ACSL3: variants seen among roughly 807,000 people sequenced by gnomAD.
ACSL3 encodes the protein fatty acid CoA ligase Acsl3.
A neutral mutation model predicts 84.7 loss-of-function variants in ACSL3; 34 were observed. The ratio of observed to expected loss-of-function variants is 0.40; its 90% CI spans 0.31 to 0.53. ACSL3 has a LOEUF of 0.53. ACSL3 is among the 20% of genes least tolerant of loss of function. ACSL3 has a pLI of 0.48. For missense variants in ACSL3, 680 were observed against 873.1 expected, an observed-to-expected ratio of 0.78 and a Z score of 2.79; for synonymous variants, 315 against 299.4, an observed-to-expected ratio of 1.05 and a Z score of -0.54.
rs182969406 is a variant in ACSL3 at position 222,883,040 on chromosome 2, T to G, written c.-206-4790T>G. ...GCCTTGGCTTTCCAAAGTGCTGGGATTACAGGCATGAGCCACCACACCTGG... is the reference window on the plus strand; with the variant it reads ...GCCTTGGCTTTCCAAAGTGCTGGGAGTACAGGCATGAGCCACCACACCTGG... On this transcript the variant is annotated intron_variant, in intron 1 of 16. Transcript: ENST00000357430. 9.6e-4 allele frequency among the ~76,000 whole-genome samples: 146 copies of G among 152,220 alleles called. 1 individual carries two copies. The highest frequency in any genetic ancestry group is 3.3e-3 in the African/African-American group (137 of 41,540).
chr2:222,910,044 AGTGT>A (rs1445478181), intron 4 of ACSL3, among the ~76,000 whole-genome samples: 3 of 152,118 alleles, frequency 2.0e-5, no homozygotes, highest in Non-Finnish European at 2.9e-5. Context: ...GTGAGGATTG[AGTGT>A]GTGTGTATAT....
chr2:222,893,069 G>A (rs1385564247), intron 2 of ACSL3, among the ~76,000 whole-genome samples: 1 of 152,156 alleles, frequency 6.6e-6, no homozygotes, highest in African/African-American at 2.4e-5. Context: ...TAGTATTGGT[G>A]CCTGAGTGTG....
At position 222,870,510 on chromosome 2, in the gene ACSL3, G is replaced by A. The variant is rs150606158; in HGVS notation, c.-207+9252G>A. The stretch of plus-strand genomic sequence containing the variant: ...TTACAAAAGAAAATGAGTGCCATGA[G>A]AGAGTGCCCTAAGGGGTCAGCGGAT... On this transcript the variant is annotated intron_variant, in intron 1 of 16. Transcript: ENST00000357430. Among the ~76,000 whole-genome samples, 67 of 152,346 alleles carry A rather than the reference G, an allele frequency of 4.4e-4. 1 individual carries two copies. The highest frequency in any genetic ancestry group is 1.6e-3 in the African/African-American group (66 of 41,572).
chr2:222,916,242 C>A, intron 4 of ACSL3, 77 bp from the exon 5 acceptor site: 1 of 982,120 alleles, frequency 1.0e-6, no homozygotes, highest in Non-Finnish European at 1.4e-6. Context: ...TTCATCATAA[C>A]ATTTGGACGA....
intron 4 of ACSL3, among the ~76,000 whole-genome samples, chr2:222,910,952 T>C (rs1696425110): frequency 6.6e-6 from 1 of 152,250 alleles, no homozygotes; most frequent in South Asian, 2.1e-4. Context: ...TTAAGCATGT[T>C]TGATTTTTCT....
intron 1 of ACSL3, among the ~76,000 whole-genome samples, chr2:222,869,609 T>A (rs539919607): frequency 6.6e-6 from 1 of 152,232 alleles, no homozygotes; most frequent in Non-Finnish European, 1.5e-5. Context: ...AAATGTTAAA[T>A]GAGCAGTATA....
intron 1 of ACSL3, among the ~76,000 whole-genome samples, chr2:222,865,013 A>G (rs192977814): frequency 6.6e-6 from 1 of 152,348 alleles, no homozygotes; most frequent in East Asian, 1.9e-4. Context: ...AATGTGGCTC[A>G]GTCTTAATTT....
chr2:222,919,642 C>G (rs1696678804), intron 7 of ACSL3, among the ~76,000 whole-genome samples: 1 of 152,132 alleles, frequency 6.6e-6, no homozygotes, highest in African/African-American at 2.4e-5. Context: ...ACTAGCACAC[C>G]TAGGCATGGT....
At chr2:222,870,293 T>C (rs1373337202) in intron 1 of ACSL3, among the ~76,000 whole-genome samples, 6 of 152,210 alleles carry the variant, frequency 3.9e-5, no homozygotes, top group Non-Finnish European at 7.3e-5. Flanking sequence ...CCCCATGTAT[T>C]CATTGATGTG....
intron 11 of ACSL3, among the ~76,000 whole-genome samples, chr2:222,924,906 A>G (rs11674957): frequency 2.8e-4 from 42 of 152,102 alleles, no homozygotes; most frequent in African/African-American, 9.9e-4. Flanking sequence ...GGCGCCTGTA[A>G]TCCCAGCTAC....
At chr2:222,925,777 T>C (rs1465610008) in intron 11 of ACSL3, among the ~76,000 whole-genome samples, 4 of 152,218 alleles carry the variant, frequency 2.6e-5, no homozygotes, top group Non-Finnish European at 5.9e-5. Context: ...TTTATATTTA[T>C]TTCAGTATGA....
intron 1 of ACSL3, among the ~76,000 whole-genome samples, chr2:222,863,974 GT>G (rs373907891): frequency 2.2e-4 from 32 of 146,428 alleles, no homozygotes; most frequent in South Asian, 1.1e-3. Flanking sequence ...CAAATTTAAG[GT>G]TTTTTTTTTT....
intron 7 of ACSL3, 48 bp downstream of exon 7, chr2:222,919,250 A>G (rs1696667153): frequency 3.2e-6 from 5 of 1,586,568 alleles, no homozygotes; most frequent in Non-Finnish European, 4.3e-6. Flanking sequence ...TGGTGACCAC[A>G]TTCTCCAGAA....
chr2:222,878,433 T>G (rs979685448), intron 1 of ACSL3, among the ~76,000 whole-genome samples: 3 of 152,230 alleles, frequency 2.0e-5, no homozygotes, highest in Non-Finnish European at 2.9e-5. Context: ...TCATTGCTGC[T>G]TATCGCCTTC....
intron 4 of ACSL3, among the ~76,000 whole-genome samples, chr2:222,913,515 G>C (rs1277622747): frequency 6.6e-6 from 1 of 152,042 alleles, no homozygotes; most frequent in Non-Finnish European, 1.5e-5. Context: ...AATTGTTGAA[G>C]CCAAAAAATC....
At chr2:222,867,722 A>AT (rs559743922) in intron 1 of ACSL3, among the ~76,000 whole-genome samples, 30 of 151,820 alleles carry the variant, frequency 2.0e-4, no homozygotes, top group African/African-American at 5.8e-4. Context: ...GGCTGTTTCC[A>AT]TTTTTTTTGT....
intron 16 of ACSL3, among the ~76,000 whole-genome samples, chr2:222,939,479 A>C (rs1697250923): frequency 6.6e-6 from 1 of 152,136 alleles, no homozygotes; most frequent in Non-Finnish European, 1.5e-5. Context: ...GTGATACTGC[A>C]GCCTCTGGTT....
At chr2:222,914,240 TGTGTGTG>T (rs1696518815) in intron 4 of ACSL3, among the ~76,000 whole-genome samples, 3 of 45,036 alleles carry the variant, frequency 6.7e-5, no homozygotes, top group Non-Finnish European at 1.7e-4. Context: ...TGTACGTGTG[TGTGTGTG>T]TGTGTGTGTG....
chr2:222,866,915 A>G (rs527798095), intron 1 of ACSL3, among the ~76,000 whole-genome samples: 2 of 149,758 alleles, frequency 1.3e-5, no homozygotes, highest in Admixed American at 6.6e-5. Flanking sequence ...GCTCACTGCA[A>G]CCTCCGCCTC....
Sources: gnomAD v4.1 joint callset for allele counts (sites outside exome capture counted in the v4.1 genomes callset) on GRCh38, gnomAD v4.1.1 for gene constraint, MANE v1.5 for transcripts, NCBI Gene and HGNC (gene_info 2026-07-23, HGNC 2026-07-21) for gene names.